Variants in MGAT4C observed in about 807,000 individuals in gnomAD.
The protein encoded by MGAT4C is MGAT4 family member C.
A neutral mutation model predicts 40.1 loss-of-function variants in MGAT4C; 19 were observed. That is an observed-to-expected ratio of 0.47 (90% CI 0.33 to 0.70). The LOEUF (loss-of-function observed/expected upper bound fraction) is 0.70. MGAT4C is among the 30% of genes least tolerant of loss of function. The pLI is 0.02. For synonymous variants in MGAT4C, 181 were observed against 187.1 expected (o/e 0.97, Z 0.27); for missense variants, 491 against 563.2 (o/e 0.87, Z 1.30).
At chr12:86,364,109 G>A (rs1444739592) in intron 3 of MGAT4C, among the ~76,000 whole-genome samples, 1 of 151,600 alleles carries the variant, frequency 6.6e-6, no homozygotes, top group Non-Finnish European at 1.5e-5. Flanking sequence ...TAATTTTGTT[G>A]GTCCTGTAAT....
chr12:86,193,071 T>C (rs1313686384), intron 1 of MGAT4C, among the ~76,000 whole-genome samples: 1 of 152,072 alleles, frequency 6.6e-6, no homozygotes, highest in Non-Finnish European at 1.5e-5. Context: ...TTTTTTCTAT[T>C]ATTTTAAACT....
chr12:86,510,634 G>C (rs896743100), intron 2 of MGAT4C, among the ~76,000 whole-genome samples: 2 of 152,060 alleles, frequency 1.3e-5, no homozygotes, highest in African/African-American at 4.8e-5. Flanking sequence ...CAAAATAAAG[G>C]GATGGAGGAA....
intron 2 of MGAT4C, among the ~76,000 whole-genome samples, chr12:86,636,602 A>C (rs947129669): frequency 2.6e-5 from 4 of 152,046 alleles, no homozygotes; most frequent in African/African-American, 9.7e-5. Flanking sequence ...AAATAATTCA[A>C]ATATCCAAGG....
At chr12:86,640,978 T>A (rs917822271) in intron 2 of MGAT4C, among the ~76,000 whole-genome samples, 1 of 152,032 alleles carries the variant, frequency 6.6e-6, no homozygotes, top group East Asian at 1.9e-4. Flanking sequence ...CAGTTTGTTA[T>A]AATTTCTGTT....
chr12:86,451,631 T>C (rs996014512), intron 2 of MGAT4C, among the ~76,000 whole-genome samples: 11 of 152,152 alleles, frequency 7.2e-5, no homozygotes, highest in Non-Finnish European at 1.0e-4. Context: ...TCTTTGATTT[T>C]GTGTTTGCCT....
intron 1 of MGAT4C, among the ~76,000 whole-genome samples, chr12:86,140,863 C>T (rs769032405): frequency 1.3e-5 from 2 of 152,122 alleles, no homozygotes; most frequent in African/African-American, 2.4e-5. Flanking sequence ...AATTTTCATT[C>T]TAGAAGAGAT....
intron 1 of MGAT4C, among the ~76,000 whole-genome samples, chr12:86,777,780 T>C (rs1951769954): frequency 1.3e-5 from 2 of 152,188 alleles, no homozygotes; most frequent in Admixed American, 1.3e-4. Flanking sequence ...TCAAATGCTT[T>C]CTGCATATTT....
At chr12:86,537,580 G>A (rs970128831) in intron 2 of MGAT4C, among the ~76,000 whole-genome samples, 8 of 152,172 alleles carry the variant, frequency 5.3e-5, no homozygotes, top group East Asian at 1.9e-4. Context: ...TGCCCTGTGC[G>A]GTCAGGAGTC....
rs1228438809 is a variant in MGAT4C at position 85,956,426 on chromosome 12, T to C, written c.*22863A>G. 6.6e-6 allele frequency: 1 copy of C among 152,210 alleles called. No homozygotes were observed. The highest frequency in any genetic ancestry group is 2.4e-5 in the African/African-American group (1 of 41,468). 9.4% of individuals were successfully genotyped at this position (152,210 alleles called of 1,614,324 possible). On this transcript the variant is annotated 3_prime_UTR_variant, in exon 5 of 5. Coordinates refer to ENST00000611864, the MANE Select transcript of MGAT4C (RefSeq NM_001351288.2). ...GTTTGTCCTTAGACAATAGAGATAA[T>C]ATATTCATTATGTTTCCATTTTAGT...
intron 3 of MGAT4C, among the ~76,000 whole-genome samples, chr12:86,419,494 C>A (rs567978430): frequency 6.6e-6 from 1 of 151,854 alleles, no homozygotes; most frequent in Admixed American, 6.6e-5. Context: ...ACCAGTTTTG[C>A]AACTCAGTGA....
chr12:86,439,081 CA>C (rs1957184951), intron 2 of MGAT4C, among the ~76,000 whole-genome samples: 1 of 151,838 alleles, frequency 6.6e-6, no homozygotes, highest in Non-Finnish European at 1.5e-5. Context: ...GGCAGAAAGT[CA>C]ACAAAGAAAC....
intron 2 of MGAT4C, among the ~76,000 whole-genome samples, chr12:86,579,314 T>C (rs1297709502): frequency 2.6e-5 from 4 of 151,606 alleles, no homozygotes; most frequent in African/African-American, 9.7e-5. Context: ...TTTTTGTGTA[T>C]CCATTGTAAG....
At chr12:86,653,018 T>C (rs1963736214) in intron 2 of MGAT4C, among the ~76,000 whole-genome samples, 1 of 151,946 alleles carries the variant, frequency 6.6e-6, no homozygotes, top group South Asian at 2.1e-4. Context: ...ATAGGGGCTT[T>C]TTACTTTCAA....
chr12:86,089,441 T>C (rs1327660708), intron 1 of MGAT4C, among the ~76,000 whole-genome samples: 1 of 151,876 alleles, frequency 6.6e-6, no homozygotes, highest in African/African-American at 2.4e-5. Flanking sequence ...TAGATTGAGC[T>C]TGTTGAGTTT....
chr12:86,123,893 T>C (rs528614297), intron 1 of MGAT4C, among the ~76,000 whole-genome samples: 25 of 152,250 alleles, frequency 1.6e-4, no homozygotes, highest in Admixed American at 6.5e-5. Flanking sequence ...GTCCCTTGTA[T>C]GTGCATTTTA....
chr12:85,996,379 A>C (rs1886621702), intron 2 of MGAT4C, among the ~76,000 whole-genome samples: 2 of 152,236 alleles, frequency 1.3e-5, no homozygotes, highest in Admixed American at 1.3e-4. Context: ...AGGAGAAAAG[A>C]TACAACGGTA....
chr12:86,102,536 C>T (rs1178527990), intron 1 of MGAT4C, among the ~76,000 whole-genome samples: 1 of 151,986 alleles, frequency 6.6e-6, no homozygotes, highest in East Asian at 1.9e-4. Context: ...CTAATAAGTT[C>T]ATATTAGGCC....
intron 1 of MGAT4C, among the ~76,000 whole-genome samples, chr12:86,087,824 A>G (rs1872156449): frequency 6.6e-6 from 1 of 152,164 alleles, no homozygotes; most frequent in East Asian, 1.9e-4. Context: ...TTACAGATTT[A>G]TTGCTATTCC....
intron 2 of MGAT4C, among the ~76,000 whole-genome samples, chr12:86,656,264 T>G (rs113809852): frequency 6.6e-5 from 10 of 152,178 alleles, no homozygotes; most frequent in African/African-American, 2.4e-4. Context: ...TATATACTTT[T>G]GGAAATAAGT....
Sources: gnomAD v4.1 joint callset for allele counts (sites outside exome capture counted in the v4.1 genomes callset) on GRCh38, gnomAD v4.1.1 for gene constraint, MANE v1.5 for transcripts, NCBI Gene and HGNC (gene_info 2026-07-23, HGNC 2026-07-21) for gene names.